The following ACVR1C variants were observed in gnomAD, a reference collection of about 807,000 sequenced individuals.
The protein encoded by ACVR1C is activin receptor type-1C.
Under a neutral mutation model 57.9 loss-of-function variants are expected in ACVR1C, and 23 were observed. The ratio of observed to expected loss-of-function variants is 0.40; its 90% CI spans 0.29 to 0.56. The LOEUF (loss-of-function observed/expected upper bound fraction) is 0.56, where lower values mean the gene tolerates loss of function less well. ACVR1C is among the 20% of genes least tolerant of loss of function. The pLI is 0.50. For missense variants in ACVR1C, 480 were observed against 607.9 expected (o/e 0.79, Z 2.21); for synonymous variants, 214 against 215.3 (o/e 0.99, Z 0.05).
Position 157,554,261 on chromosome 2 carries a change from A to G in ACVR1C, c.544+1832T>C, listed in dbSNP as rs1292392154. 2.9e-3 allele frequency among the ~76,000 whole-genome samples: 403 copies of G among 139,392 alleles called. 12 individuals are homozygous for G. The highest frequency in any genetic ancestry group is 0.012 in the African/African-American group (381 of 32,664). 91.4% of individuals were successfully genotyped at this position (139,392 alleles called of 152,430 possible). A position where few individuals can be genotyped will look rare whatever the true frequency, so the allele number is the denominator to read the frequency against. On this transcript the variant is annotated intron_variant, in intron 3 of 8. Transcript: ENST00000243349. ...AAAGAAAGAAAGAAAGAAAGAAAGA[A>G]AGAAAGAAAGGAAGGAAGGAAGAGA...
intron 7 of ACVR1C, among the ~76,000 whole-genome samples, chr2:157,539,461 T>A (rs1173941009): frequency 6.6e-6 from 1 of 152,216 alleles, no homozygotes; most frequent in East Asian, 1.9e-4. Context: ...ATGTAAGACA[T>A]GCCATAATAC....
chr2:157,574,194 A>G (rs1376713001), intron 2 of ACVR1C, among the ~76,000 whole-genome samples: 2 of 152,238 alleles, frequency 1.3e-5, no homozygotes, highest in Non-Finnish European at 2.9e-5. Context: ...CTTATAAAGA[A>G]CAGAAATTTA....
intron 2 of ACVR1C, 113 bp downstream of exon 2, chr2:157,587,074 C>A: frequency 9.9e-7 from 1 of 1,015,108 alleles, no homozygotes. Flanking sequence ...AAAAAGAGAA[C>A]TGTAAAACAG....
At chr2:157,542,573 CAGAGA>C in intron 6 of ACVR1C, 128 bp downstream of exon 6, 4 of 1,083,818 alleles carry the variant, frequency 3.7e-6, no homozygotes, top group Non-Finnish European at 5.3e-6. Flanking sequence ...CTCAGTGACC[CAGAGA>C]AGACTTCTGG....
chr2:157,543,006 A>G, intron 5 of ACVR1C, 144 bp from the exon 6 acceptor site: 1 of 738,936 alleles, frequency 1.4e-6, no homozygotes, highest in Non-Finnish European at 2.2e-6. Context: ...TATCTTGTTT[A>G]TTTATGTACA....
Position 157,628,685 on chromosome 2 carries a change from CAG to C in ACVR1C, c.-43_-42del. 1 of 1,487,908 alleles carries C rather than the reference CAG, an allele frequency of 6.7e-7. No homozygotes were observed. The highest frequency in any genetic ancestry group is 8.9e-7 in the Non-Finnish European group (1 of 1,120,306). The allele number at this position is 1,487,908 out of a possible 1,614,324, so 92.2% of individuals were successfully genotyped here. A position where few individuals can be genotyped will look rare whatever the true frequency, so the allele number is the denominator to read the frequency against. ...GCGCCGGGGCTGCGAGGCCCCAGAG[CAG>C]AGCGAGGCAGCCGGGGCAGCACGGC... On this transcript the variant is annotated 5_prime_UTR_variant, in exon 1 of 9. Coordinates refer to ENST00000243349, the MANE Select transcript of ACVR1C (RefSeq NM_145259.3).
chr2:157,552,801 C>T (rs935086614), intron 3 of ACVR1C, among the ~76,000 whole-genome samples: 1 of 152,188 alleles, frequency 6.6e-6, no homozygotes, highest in African/African-American at 2.4e-5. Context: ...AAAGCAACCA[C>T]CAAAATGAAT....
chr2:157,598,472 T>C (rs895227501), intron 1 of ACVR1C, among the ~76,000 whole-genome samples: 1 of 151,748 alleles, frequency 6.6e-6, no homozygotes, highest in Non-Finnish European at 1.5e-5. Context: ...ATCAAGGCTA[T>C]CTTTTAAAAA....
At chr2:157,597,760 A>C (rs1466694277) in intron 1 of ACVR1C, among the ~76,000 whole-genome samples, 1 of 152,252 alleles carries the variant, frequency 6.6e-6, no homozygotes, top group Non-Finnish European at 1.5e-5. Flanking sequence ...ATTTTAAAAT[A>C]AAATGCCTTG....
At chr2:157,542,583 T>C in intron 6 of ACVR1C, 123 bp downstream of exon 6, 3 of 1,164,864 alleles carry the variant, frequency 2.6e-6, no homozygotes, top group Non-Finnish European at 3.6e-6. Flanking sequence ...CAGAGAAGAC[T>C]TCTGGATTTC....
chr2:157,565,591 C>T (rs902340050), intron 2 of ACVR1C, among the ~76,000 whole-genome samples: 4 of 152,070 alleles, frequency 2.6e-5, no homozygotes, highest in African/African-American at 4.8e-5. Context: ...TTTTCTAATC[C>T]AGAGATCAAA....
rs1426404786 is a variant in ACVR1C at position 157,530,330 on chromosome 2, T to C, written c.*3588A>G. ...TATGCCCTAACAAGCAATTTTAAGTTGTTTACTCAAACTTTGTATAATGGC... is the reference window on the plus strand; with the variant it reads ...TATGCCCTAACAAGCAATTTTAAGTCGTTTACTCAAACTTTGTATAATGGC... On this transcript the variant is annotated 3_prime_UTR_variant, in exon 9 of 9. Coordinates refer to ENST00000243349, the MANE Select transcript of ACVR1C (RefSeq NM_145259.3). 6.6e-6 allele frequency: 1 copy of C among 152,130 alleles called. No homozygotes were observed. The highest frequency in any genetic ancestry group is 2.4e-5 in the African/African-American group (1 of 41,452). The allele number at this position is 152,130 out of a possible 1,614,324, so 9.4% of individuals were successfully genotyped here.
intron 3 of ACVR1C, among the ~76,000 whole-genome samples, chr2:157,551,967 A>G (rs960686221): frequency 2.0e-5 from 3 of 152,258 alleles, no homozygotes; most frequent in African/African-American, 7.2e-5. Context: ...GTTCAACCCT[A>G]TCATTTTAGA....
At position 157,587,338 on chromosome 2, in the gene ACVR1C, C is replaced by T; in HGVS notation, c.153G>A (p.Met51Ile). Residue 51 changes from methionine (M) to isoleucine (I), a missense_variant, in exon 2 of 9, where the codon ATG (methionine) becomes ATA (isoleucine). Physicochemically the swap from Met to Ile is conservative, Grantham distance 10 (BLOSUM62 1). Transcript: ENST00000243349. ...TCACCTGCTCTTTTCCATTGGTTAG[C>T]ATGACTGATGCCCAACATGCTCCTT... ...QTEGACWASV[M>I]LTNGKEQVIK... 1 of 1,613,676 alleles carries T rather than the reference C, an allele frequency of 6.2e-7. No individual in the cohort carries two copies. The highest frequency in any genetic ancestry group is 2.2e-5 in the East Asian group (1 of 44,872).
At chr2:157,599,159 C>T (rs576721022) in intron 1 of ACVR1C, among the ~76,000 whole-genome samples, 1 of 151,384 alleles carries the variant, frequency 6.6e-6, no homozygotes, top group Non-Finnish European at 1.5e-5. Context: ...ACAGTGAAAC[C>T]CCGTCTCCAC....
In ACVR1C at chr2:157,528,475, T is replaced by A. The variant is rs1382167010; in HGVS notation, c.*5443A>T. On this transcript the variant is annotated 3_prime_UTR_variant, in exon 9 of 9. Transcript: ENST00000243349. ...GAAATACAGCTCATATTCTCTCGAA[T>A]GTATTCATCTACAACTGAAAGAGAA... The A allele has an allele frequency of 6.6e-6, 1 of 152,184 alleles. No homozygotes were observed. The highest frequency in any genetic ancestry group is 1.5e-5 in the Non-Finnish European group (1 of 68,012). 9.4% of individuals were successfully genotyped at this position (152,184 alleles called of 1,614,324 possible). A position where few individuals can be genotyped will look rare whatever the true frequency, so the allele number is the denominator to read the frequency against.
intron 3 of ACVR1C, among the ~76,000 whole-genome samples, chr2:157,553,648 C>T (rs1041886424): frequency 9.2e-5 from 14 of 152,126 alleles, no homozygotes; most frequent in African/African-American, 3.1e-4. Context: ...TTCCAAAATG[C>T]ACGTTTTTAT....
chr2:157,614,862 T>A (rs1300059904), intron 1 of ACVR1C, among the ~76,000 whole-genome samples: 1 of 152,200 alleles, frequency 6.6e-6, no homozygotes, highest in Admixed American at 6.5e-5. Flanking sequence ...GTACTTTCAA[T>A]CTATTTGTCT....
At chr2:157,604,987 A>G (rs146815912) in intron 1 of ACVR1C, among the ~76,000 whole-genome samples, 378 of 151,884 alleles carry the variant, frequency 2.5e-3, no homozygotes, top group Non-Finnish European at 4.4e-3. Flanking sequence ...TAAGATCAAA[A>G]TGTTTTCTTC....
Sources: allele counts gnomAD v4.1 joint callset (sites outside exome capture counted in the v4.1 genomes callset), GRCh38; gene constraint gnomAD v4.1.1; transcripts MANE v1.5; gene names NCBI Gene and HGNC (gene_info 2026-07-23, HGNC 2026-07-21).